PHLDB3: variants seen among roughly 807,000 people sequenced by gnomAD.
PHLDB3 encodes pleckstrin homology-like domain family B member 3.
Under a neutral mutation model 85.7 loss-of-function variants are expected in PHLDB3, and 86 were observed. The ratio of observed to expected loss-of-function variants is 1.00; its 90% CI spans 0.84 to 1.20. The LOEUF (loss-of-function observed/expected upper bound fraction) is 1.20. Ranked by LOEUF, PHLDB3 falls within the 50% of genes most tolerant of loss-of-function variation. The probability of loss-of-function intolerance (pLI) is 0.00; values close to 1 mark genes in which losing one functional copy is unlikely to be tolerated. For missense variants in PHLDB3, 995 were observed against 873.0 expected, an observed-to-expected ratio of 1.14 and a Z score of -1.76; for synonymous variants, 376 against 349.8, an observed-to-expected ratio of 1.07 and a Z score of -0.83.
chr19:43,501,309 A>G (rs1049251275), intron 4 of PHLDB3, among the ~76,000 whole-genome samples: 3 of 149,524 alleles, frequency 2.0e-5, no homozygotes, highest in African/African-American at 7.4e-5. Context: ...TCAGCCTCCC[A>G]AGTAGCTGGG....
chr19:43,487,233 T>G, intron 9 of PHLDB3, 110 bp from the exon 10 acceptor site: 1 of 857,270 alleles, frequency 1.2e-6, no homozygotes, highest in East Asian at 2.6e-5. Flanking sequence ...AAAACACTAC[T>G]GTCCATGTGC....
At chr19:43,477,792 A>C (rs1970958243) in intron 15 of PHLDB3, among the ~76,000 whole-genome samples, 1 of 148,132 alleles carries the variant, frequency 6.8e-6, no homozygotes, top group African/African-American at 2.6e-5. Flanking sequence ...TGGGCGACAG[A>C]ATGAGACTCT....
rs1599953583 is a variant in PHLDB3, at chr19:43,495,749, G to T, written c.826-129C>A. 7 of 1,357,844 alleles carry T rather than the reference G, an allele frequency of 5.2e-6. No individual in the cohort carries two copies. In the East Asian group the frequency reaches 1.8e-4, roughly 34 times the overall value. The allele number at this position is 1,357,844 out of a possible 1,614,324, so 84.1% of individuals were successfully genotyped here. On this transcript the variant is annotated intron_variant, in intron 6 of 15. Coordinates refer to ENST00000292140, the MANE Select transcript of PHLDB3 (RefSeq NM_198850.4). ...AGAGACCATGGGATCGGAGTGTCCAGGGCTGGGGACCCAGCGTTCAGCTCC... is the reference window on the plus strand; with the variant it reads ...AGAGACCATGGGATCGGAGTGTCCATGGCTGGGGACCCAGCGTTCAGCTCC...
chr19:43,475,328 C>A lies in PHLDB3; in HGVS notation c.*82G>T, dbSNP rs1970900003. The A allele has an allele frequency of 6.5e-6, 10 of 1,531,576 alleles. No homozygotes were observed. The highest frequency in any genetic ancestry group is 4.1e-5 in the Admixed American group (2 of 48,332). 94.9% of individuals were successfully genotyped at this position (1,531,576 alleles called of 1,614,324 possible). A position where few individuals can be genotyped will look rare whatever the true frequency, so the allele number is the denominator to read the frequency against. ...AAAGCGGTGCGTCCAAGTTTTCCGGCAGTGGGCGGGGCCTAGGAACGCCCC... is the reference window on the plus strand; with the variant it reads ...AAAGCGGTGCGTCCAAGTTTTCCGGAAGTGGGCGGGGCCTAGGAACGCCCC... On this transcript the variant is annotated 3_prime_UTR_variant, in exon 16 of 16. Coordinates refer to ENST00000292140, the MANE Select transcript of PHLDB3 (RefSeq NM_198850.4).
intron 1 of PHLDB3, chr19:43,504,361 G>A: frequency 1.7e-6 from 1 of 581,156 alleles, no homozygotes; most frequent in Non-Finnish European, 3.0e-6. Context: ...AGTCCGGGTC[G>A]TAGCACGCCC....
chr19:43,495,711 T>C (rs935470990), intron 6 of PHLDB3, 91 bp from the exon 7 acceptor site: 17 of 1,474,648 alleles, frequency 1.2e-5, no homozygotes. Flanking sequence ...TGGGGTTTAC[T>C]CCAGCCACTC....
At chr19:43,476,839 A>T (rs1050991542) in intron 15 of PHLDB3, among the ~76,000 whole-genome samples, 11 of 152,158 alleles carry the variant, frequency 7.2e-5, no homozygotes, top group Admixed American at 7.2e-4. Context: ...ACTGTGCTTT[A>T]TACAAGTTCC....
chr19:43,475,210 G>C lies in PHLDB3; in HGVS notation c.*200C>G, dbSNP rs944957035. 1.8e-5 allele frequency: 12 copies of C among 661,546 alleles called. No individual in the cohort carries two copies. The highest frequency in any genetic ancestry group is 5.5e-5 in the African/African-American group (3 of 54,388). The allele number at this position is 661,546 out of a possible 1,614,324, so 41.0% of individuals were successfully genotyped here. On this transcript the variant is annotated 3_prime_UTR_variant, in exon 16 of 16. Coordinates refer to ENST00000292140, the MANE Select transcript of PHLDB3 (RefSeq NM_198850.4). ...GCCCCGGGCAGGGCCTTAGGGGCCG[G>C]CGATCCCGTCGGGGGCAAGGCACCT...
chr19:43,501,820 C>T lies in PHLDB3; in HGVS notation c.448G>A (p.Ala150Thr), dbSNP rs71350685. 5.0e-6 allele frequency: 8 copies of T among 1,588,184 alleles called. No homozygotes were observed. The highest frequency in any genetic ancestry group is 6.8e-6 in the Non-Finnish European group (8 of 1,168,416). ...LRGELAGERV[A>T]ARREEEQLRE... ...AGCTGCTCCTCCTCCCGGCGAGCGGCCACTCGCTCCCCAGCCAGCTCACCC... is the reference window on the plus strand; with the variant it reads ...AGCTGCTCCTCCTCCCGGCGAGCGGTCACTCGCTCCCCAGCCAGCTCACCC... The change falls in exon 4 of 16, where the codon GCC becomes ACC. Residue 150 changes from alanine to threonine, a missense_variant. Ala to Thr is a moderately conservative substitution (Grantham distance 58, BLOSUM62 0). Coordinates refer to ENST00000292140, the MANE Select transcript of PHLDB3 (RefSeq NM_198850.4).
intron 4 of PHLDB3, among the ~76,000 whole-genome samples, chr19:43,498,234 G>A (rs995340039): frequency 3.9e-5 from 6 of 152,168 alleles, no homozygotes; most frequent in African/African-American, 1.4e-4. Context: ...AGCTACTCGG[G>A]AGGCTGAGGT....
At chr19:43,478,784 A>C (rs556196227) in intron 14 of PHLDB3, among the ~76,000 whole-genome samples, 2 of 152,184 alleles carry the variant, frequency 1.3e-5, no homozygotes, top group East Asian at 3.9e-4. Context: ...GTGTGGTGGC[A>C]TGAGCCTGTA....
intron 13 of PHLDB3, among the ~76,000 whole-genome samples, chr19:43,480,929 C>A (rs1298858727): frequency 6.6e-6 from 1 of 152,170 alleles, no homozygotes; most frequent in Admixed American, 6.6e-5. Flanking sequence ...TCTGATCCAA[C>A]CTATTCTTCC....
Position 43,475,448 on chromosome 19 carries a change from C to T in PHLDB3, c.1885G>A (p.Val629Ile), listed in dbSNP as rs770403619. The T allele has an allele frequency of 6.2e-7, 1 of 1,613,950 alleles. No individual in the cohort carries two copies. Among genetic ancestry groups the T allele is most frequent in the Non-Finnish European group, 8.5e-7 (1 of 1,179,854 alleles). ...SPEAMRIWMD[V>I]IVTAADENHA... ...TTTTCGTCAGCGGCGGTCACGATGA[C>T]GTCCATCCAAATGCGCATGGCTTCG... The change falls in exon 16 of 16, where the codon GTC becomes ATC. Residue 629 changes from valine (V) to isoleucine (I), a missense_variant. Transcript: ENST00000292140.
intron 9 of PHLDB3, 123 bp downstream of exon 9, chr19:43,494,579 G>T: frequency 2.7e-6 from 2 of 727,814 alleles, no homozygotes; most frequent in South Asian, 4.0e-5. Flanking sequence ...ATCCCCCACC[G>T]GCCCCATACA....
chr19:43,502,419 C>A (rs1477490450), intron 2 of PHLDB3, 136 bp from the exon 3 acceptor site: 11 of 746,964 alleles, frequency 1.5e-5, no homozygotes, highest in Non-Finnish European at 1.9e-5. Flanking sequence ...CCACCACTCC[C>A]ATAATCTGTC....
chr19:43,502,456 TC>T, intron 2 of PHLDB3, among the ~76,000 whole-genome samples, 173 bp from the exon 3 acceptor site: 1 of 92,088 alleles, frequency 1.1e-5, no homozygotes, highest in South Asian at 3.8e-4. Context: ...TTCTTTCTTA[TC>T]TTTTTTTTTT....
intron 13 of PHLDB3, among the ~76,000 whole-genome samples, chr19:43,483,079 T>C (rs1971080892): frequency 6.6e-6 from 1 of 152,100 alleles, no homozygotes; most frequent in Non-Finnish European, 1.5e-5. Flanking sequence ...TCAATAAATA[T>C]GGGCTGAAAT....
intron 14 of PHLDB3, among the ~76,000 whole-genome samples, chr19:43,478,622 A>C (rs1325624065): frequency 2.0e-5 from 3 of 152,184 alleles, no homozygotes; most frequent in Non-Finnish European, 2.9e-5. Context: ...AGACAATACA[A>C]GCGTCCAAGG....
intron 3 of PHLDB3, 45 bp from the exon 4 acceptor site, chr19:43,501,916 A>G: frequency 6.5e-7 from 1 of 1,540,696 alleles, no homozygotes; most frequent in South Asian, 1.2e-5. Context: ...GCCTAGGTCC[A>G]AGGAAGAGGC....
Sources: allele counts gnomAD v4.1 joint callset (sites outside exome capture counted in the v4.1 genomes callset), GRCh38; gene constraint gnomAD v4.1.1; transcripts MANE v1.5; gene names NCBI Gene and HGNC (gene_info 2026-07-23, HGNC 2026-07-21).